SGCZ: variants seen among roughly 807,000 people sequenced by gnomAD.
SGCZ encodes the protein zeta-sarcoglycan.
A neutral mutation model predicts 41.3 loss-of-function variants in SGCZ; 40 were observed. That is an observed-to-expected ratio of 0.97 (90% CI 0.75 to 1.26). The LOEUF is 1.26. SGCZ is among the 50% of genes most tolerant of loss of function. SGCZ has a pLI of 0.00. For missense variants in SGCZ, 552 were observed against 369.8 expected, an observed-to-expected ratio of 1.49 and a Z score of -4.04; for synonymous variants, 206 against 137.5, an observed-to-expected ratio of 1.50 and a Z score of -3.49.
chr8:14,169,559 C>T (rs1804311743), intron 4 of SGCZ, among the ~76,000 whole-genome samples: 1 of 152,126 alleles, frequency 6.6e-6, no homozygotes, highest in African/African-American at 2.4e-5. Flanking sequence ...GGACATCCCT[C>T]TGCTGCTTCC....
chr8:14,223,264 G>A (rs887923697), intron 4 of SGCZ, among the ~76,000 whole-genome samples: 2 of 151,920 alleles, frequency 1.3e-5, no homozygotes, highest in African/African-American at 4.8e-5. Flanking sequence ...GATATTTGGT[G>A]CACACTATTA....
intron 5 of SGCZ, among the ~76,000 whole-genome samples, chr8:14,126,003 T>C (rs779959272): frequency 6.6e-6 from 1 of 152,136 alleles, no homozygotes; most frequent in Non-Finnish European, 1.5e-5. Flanking sequence ...GACATAAATG[T>C]AAAACCCAAA....
chr8:14,673,069 C>T (rs1808155566), intron 1 of SGCZ, among the ~76,000 whole-genome samples: 2 of 152,158 alleles, frequency 1.3e-5, no homozygotes, highest in Admixed American at 6.5e-5. Context: ...GTCTAGATTA[C>T]CCACCTCAAA....
At chr8:15,115,329 T>G (rs923826305) in intron 1 of SGCZ, among the ~76,000 whole-genome samples, 2 of 152,072 alleles carry the variant, frequency 1.3e-5, no homozygotes, top group African/African-American at 4.8e-5. Context: ...TTGCTAGAAG[T>G]AGTAATGAAA....
At chr8:15,220,196 T>G (rs540096594) in intron 1 of SGCZ, among the ~76,000 whole-genome samples, 2 of 152,192 alleles carry the variant, frequency 1.3e-5, no homozygotes, top group Non-Finnish European at 2.9e-5. Context: ...CCAAAAGTTT[T>G]TGAGGTCATT....
intron 1 of SGCZ, among the ~76,000 whole-genome samples, chr8:15,217,787 A>G: frequency 6.6e-6 from 1 of 152,150 alleles, no homozygotes; most frequent in Admixed American, 6.5e-5. Context: ...TAGCAATAAG[A>G]CTTAAGAAAC....
chr8:14,741,591 T>C lies in SGCZ; in HGVS notation c.40-186665A>G, dbSNP rs983549997. ...GCTGTTATTTTACAGAACTGCTAAA[T>C]GTATAATCTGAAAAATCATAACTGA... On this transcript the variant is annotated intron_variant, in intron 1 of 7. Coordinates refer to ENST00000382080, the MANE Select transcript of SGCZ (RefSeq NM_139167.4). Among the ~76,000 whole-genome samples, 6 of 152,248 alleles carry C rather than the reference T, an allele frequency of 3.9e-5. No individual in the cohort carries two copies. In the East Asian group the frequency reaches 9.7e-4, roughly 24 times the overall value.
At chr8:14,834,933 G>C (rs1216795393) in intron 1 of SGCZ, among the ~76,000 whole-genome samples, 1 of 152,112 alleles carries the variant, frequency 6.6e-6, no homozygotes, top group South Asian at 2.1e-4. Context: ...AACATCTTCA[G>C]AACTACGATA....
At chr8:14,815,584 A>G (rs1801879215) in intron 1 of SGCZ, among the ~76,000 whole-genome samples, 1 of 152,184 alleles carries the variant, frequency 6.6e-6, no homozygotes, top group South Asian at 2.1e-4. Flanking sequence ...AAATGTCACA[A>G]TAATATTATC....
chr8:14,134,627 T>G (rs922901389), intron 5 of SGCZ, among the ~76,000 whole-genome samples: 1 of 152,218 alleles, frequency 6.6e-6, no homozygotes, highest in African/African-American at 2.4e-5. Flanking sequence ...CTCTCAAATT[T>G]AAGCACTGTT....
At chr8:14,447,133 G>A (rs1054949246) in intron 2 of SGCZ, among the ~76,000 whole-genome samples, 4 of 151,926 alleles carry the variant, frequency 2.6e-5, no homozygotes, top group African/African-American at 9.7e-5. Context: ...TCTACAATAG[G>A]CCAAACAATT....
intron 4 of SGCZ, among the ~76,000 whole-genome samples, chr8:14,165,737 T>C (rs1804188905): frequency 6.6e-6 from 1 of 152,168 alleles, no homozygotes; most frequent in Non-Finnish European, 1.5e-5. Context: ...TGTCTTTATG[T>C]ATTCACTTTA....
intron 3 of SGCZ, among the ~76,000 whole-genome samples, chr8:14,244,398 C>G (rs1220712625): frequency 2.0e-5 from 3 of 152,090 alleles, no homozygotes; most frequent in South Asian, 2.1e-4. Context: ...TACGTCATTC[C>G]TTTCCTTAAT....
intron 1 of SGCZ, among the ~76,000 whole-genome samples, chr8:14,833,810 G>A (rs1802608403): frequency 8.0e-6 from 1 of 124,754 alleles, no homozygotes; most frequent in Non-Finnish European, 1.6e-5. Context: ...TATGGAGCTA[G>A]GGATGATCCA....
intron 2 of SGCZ, among the ~76,000 whole-genome samples, chr8:14,356,583 T>C (rs1219893150): frequency 6.6e-6 from 1 of 151,628 alleles, no homozygotes; most frequent in African/African-American, 2.4e-5. Flanking sequence ...TGATGAGGTA[T>C]AATCAAATGC....
At chr8:14,169,737 C>G (rs983404652) in intron 4 of SGCZ, among the ~76,000 whole-genome samples, 1 of 152,174 alleles carries the variant, frequency 6.6e-6, no homozygotes. Flanking sequence ...GCAGTTGACT[C>G]CAACACTCTC....
intron 1 of SGCZ, among the ~76,000 whole-genome samples, chr8:14,990,825 G>A (rs1007382438): frequency 2.0e-5 from 3 of 152,036 alleles, no homozygotes; most frequent in African/African-American, 7.2e-5. Context: ...CAAAAGGGCT[G>A]GGGACCGCTG....
At chr8:14,535,691 T>G (rs1159017700) in intron 2 of SGCZ, among the ~76,000 whole-genome samples, 1 of 151,936 alleles carries the variant, frequency 6.6e-6, no homozygotes, top group Non-Finnish European at 1.5e-5. Context: ...ATCATCTTAT[T>G]CTATCATTCC....
chr8:15,216,427 C>T (rs931600019), intron 1 of SGCZ, among the ~76,000 whole-genome samples: 1 of 151,650 alleles, frequency 6.6e-6, no homozygotes, highest in Non-Finnish European at 1.5e-5. Context: ...TCACCGTGTT[C>T]GCCAGGATGG....
Sources: gnomAD v4.1 joint callset for allele counts (sites outside exome capture counted in the v4.1 genomes callset) on GRCh38, gnomAD v4.1.1 for gene constraint, MANE v1.5 for transcripts, NCBI Gene and HGNC (gene_info 2026-07-23, HGNC 2026-07-21) for gene names.